ROBO1: variants seen among roughly 807,000 people sequenced by gnomAD.
ROBO1 encodes the protein roundabout guidance receptor 1.
Under a neutral mutation model 195.9 loss-of-function variants are expected in ROBO1, and 149 were observed. The ratio of observed to expected loss-of-function variants is 0.76; its 90% CI spans 0.67 to 0.87. The LOEUF is 0.87. Ranked by LOEUF, ROBO1 falls within the 40% of genes least tolerant of loss-of-function variation. The pLI is 0.00. For missense variants in ROBO1, 1,933 were observed against 2,068.3 expected (o/e 0.93, Z 1.27); for synonymous variants, 816 against 733.2 (o/e 1.11, Z -1.82).
intron 28 of ROBO1, among the ~76,000 whole-genome samples, chr3:78,608,572 G>A (rs1236402890): frequency 1.3e-5 from 2 of 152,114 alleles, no homozygotes; most frequent in Non-Finnish European, 2.9e-5. Context: ...AGAAGAATAA[G>A]AGTAGATACT....
At chr3:79,232,686 A>G (rs565074868) in intron 2 of ROBO1, among the ~76,000 whole-genome samples, 1 of 152,266 alleles carries the variant, frequency 6.6e-6, no homozygotes, top group Non-Finnish European at 1.5e-5. Flanking sequence ...ACTTAATGCT[A>G]GTGGCATAAT....
At chr3:79,018,526 A>G in intron 3 of ROBO1, 10 of 1,604,092 alleles carry the variant, frequency 6.2e-6, no homozygotes, top group Non-Finnish European at 7.7e-6. Flanking sequence ...AGGGTCCCCA[A>G]ATGTATGAAG....
intron 3 of ROBO1, among the ~76,000 whole-genome samples, chr3:79,051,061 A>G (rs1354950018): frequency 6.6e-6 from 1 of 152,198 alleles, no homozygotes; most frequent in Non-Finnish European, 1.5e-5. Context: ...CTAAGATCAG[A>G]GCAGAACTGA....
intron 2 of ROBO1, among the ~76,000 whole-genome samples, chr3:79,293,740 A>G (rs1238872026): frequency 8.5e-5 from 13 of 152,122 alleles, no homozygotes; most frequent in African/African-American, 2.7e-4. Flanking sequence ...TCAAGCTACC[A>G]TTGACTTTCT....
chr3:79,320,725 G>T (rs1160099995), intron 2 of ROBO1, among the ~76,000 whole-genome samples: 2 of 152,222 alleles, frequency 1.3e-5, no homozygotes, highest in South Asian at 4.2e-4. Flanking sequence ...TAAACAGAAG[G>T]CTCTACTTTA....
At chr3:79,418,055 A>C (rs896880850) in intron 2 of ROBO1, among the ~76,000 whole-genome samples, 1 of 152,160 alleles carries the variant, frequency 6.6e-6, no homozygotes, top group Admixed American at 6.6e-5. Context: ...ACCTCAAGCA[A>C]TATACAAGTG....
chr3:79,643,145 C>T lies in ROBO1; in HGVS notation c.-50-53184G>A, dbSNP rs78605276. On this transcript the variant is annotated intron_variant, in intron 1 of 30. Transcript: ENST00000464233. Reference sequence around the variant, plus strand: ...AGAGCAGACTTGCTGTGTCTTCTGGCTTTCATCTTTTTCTCATATGGGATG... The same window carrying T: ...AGAGCAGACTTGCTGTGTCTTCTGGTTTTCATCTTTTTCTCATATGGGATG... Among the ~76,000 whole-genome samples, 854 of 152,184 alleles carry T rather than the reference C, an allele frequency of 5.6e-3. 5 individuals carry two copies. Among genetic ancestry groups the T allele is most frequent in the African/African-American group, 0.018 (740 of 41,532 alleles).
At chr3:78,960,957 C>T (rs1323976416) in intron 3 of ROBO1, among the ~76,000 whole-genome samples, 1 of 152,092 alleles carries the variant, frequency 6.6e-6, no homozygotes, top group East Asian at 1.9e-4. Flanking sequence ...TTCTGTTTCG[C>T]ATCACCCTAA....
At chr3:79,726,160 T>C (rs1171049502) in intron 1 of ROBO1, among the ~76,000 whole-genome samples, 1 of 152,192 alleles carries the variant, frequency 6.6e-6, no homozygotes, top group Admixed American at 6.5e-5. Flanking sequence ...GTCATTCTAG[T>C]TGCATAGGAA....
At chr3:79,507,033 C>A (rs1382008073) in intron 2 of ROBO1, among the ~76,000 whole-genome samples, 4 of 152,164 alleles carry the variant, frequency 2.6e-5, no homozygotes, top group Admixed American at 2.6e-4. Context: ...GTTGCCCAAT[C>A]AATCAACATA....
intron 4 of ROBO1, among the ~76,000 whole-genome samples, chr3:78,761,309 G>T (rs2083098057): frequency 6.6e-6 from 1 of 151,882 alleles, no homozygotes; most frequent in African/African-American, 2.4e-5. Flanking sequence ...ATGCTGGCAG[G>T]CTTTGGATTA....
At chr3:79,025,902 G>C (rs1175034415) in intron 3 of ROBO1, among the ~76,000 whole-genome samples, 1 of 152,132 alleles carries the variant, frequency 6.6e-6, no homozygotes, top group Non-Finnish European at 1.5e-5. Flanking sequence ...GTTGACTCGT[G>C]ACTGGAACAC....
intron 3 of ROBO1, among the ~76,000 whole-genome samples, chr3:78,945,568 A>G (rs1209147765): frequency 6.6e-6 from 1 of 152,186 alleles, no homozygotes; most frequent in Non-Finnish European, 1.5e-5. Context: ...AAAGACGGGA[A>G]AAAAACAGGG....
chr3:79,237,128 T>C (rs370986593), intron 2 of ROBO1, among the ~76,000 whole-genome samples: 4 of 152,308 alleles, frequency 2.6e-5, no homozygotes, highest in South Asian at 4.1e-4. Context: ...ATATGAAATA[T>C]AGAGATTTTT....
chr3:79,681,038 G>A (rs1007914840), intron 1 of ROBO1, among the ~76,000 whole-genome samples: 3 of 151,924 alleles, frequency 2.0e-5, no homozygotes, highest in Non-Finnish European at 2.9e-5. Flanking sequence ...TCAAGAGAAC[G>A]GTGTATTAGA....
At chr3:79,060,211 C>G (rs1419019792) in intron 3 of ROBO1, among the ~76,000 whole-genome samples, 12 of 152,094 alleles carry the variant, frequency 7.9e-5, no homozygotes, top group Non-Finnish European at 1.5e-4. Flanking sequence ...TGCTCTTGAA[C>G]CCTGTTTCCT....
intron 1 of ROBO1, among the ~76,000 whole-genome samples, chr3:79,767,517 G>C (rs1705062391): frequency 6.6e-6 from 1 of 152,208 alleles, no homozygotes; most frequent in Non-Finnish European, 1.5e-5. Flanking sequence ...CATCCCTGCA[G>C]GAAAACTTGT....
chr3:78,717,159 C>A (rs1242778472), intron 7 of ROBO1, 116 bp downstream of exon 7: 6 of 1,063,268 alleles, frequency 5.6e-6, no homozygotes, highest in Non-Finnish European at 7.9e-6. Flanking sequence ...TTGTATCTGG[C>A]CCCTGATAGA....
chr3:78,915,649 T>C (rs896487650), intron 4 of ROBO1, among the ~76,000 whole-genome samples: 5 of 152,074 alleles, frequency 3.3e-5, no homozygotes, highest in African/African-American at 7.2e-5. Flanking sequence ...ACTGAAGATA[T>C]GCATTTAAAA....
Sources: allele counts gnomAD v4.1 joint callset (sites outside exome capture counted in the v4.1 genomes callset), GRCh38; gene constraint gnomAD v4.1.1; transcripts MANE v1.5; gene names NCBI Gene and HGNC (gene_info 2026-07-23, HGNC 2026-07-21).